PIBF1: variants seen among roughly 807,000 people sequenced by gnomAD.
PIBF1 encodes the protein progesterone immunomodulatory binding factor 1, also known as progesterone-induced-blocking factor 1.
In PIBF1, 90 loss-of-function variants were observed where a neutral mutation model predicts 112.5. That is an observed-to-expected ratio of 0.80 (90% CI 0.67 to 0.95). The LOEUF is 0.95. Among genes scored for constraint, PIBF1 ranks in the 40% least tolerant of loss-of-function variants. PIBF1 has a pLI of 0.00. For synonymous variants in PIBF1, 301 were observed against 288.6 expected (o/e 1.04, Z -0.44); for missense variants, 915 against 852.3 (o/e 1.07, Z -0.92).
intron 6 of PIBF1, 53 bp downstream of exon 6, chr13:72,822,035 A>C (rs2036581910): frequency 2.7e-6 from 4 of 1,486,662 alleles, no homozygotes; most frequent in Non-Finnish European, 1.8e-6. Flanking sequence ...GGGTGCATCA[A>C]AGTCACCTGA....
At chr13:72,993,966 A>T (rs1461896741) in intron 16 of PIBF1, among the ~76,000 whole-genome samples, 1 of 152,004 alleles carries the variant, frequency 6.6e-6, no homozygotes, top group Non-Finnish European at 1.5e-5. Context: ...TAAAAAGTTA[A>T]CTGGGGACAG....
At chr13:72,980,442 C>T (rs531186786) in intron 16 of PIBF1, among the ~76,000 whole-genome samples, 7 of 152,288 alleles carry the variant, frequency 4.6e-5, no homozygotes, top group African/African-American at 9.6e-5. Context: ...TACGCAGTGA[C>T]GTGCTCTCAA....
chr13:72,850,182 C>T (rs1226998528), intron 9 of PIBF1, among the ~76,000 whole-genome samples: 2 of 152,158 alleles, frequency 1.3e-5, no homozygotes, highest in African/African-American at 2.4e-5. Context: ...AGAAATGTTA[C>T]CCACAAACAC....
intron 5 of PIBF1, among the ~76,000 whole-genome samples, chr13:72,809,132 C>CTTTTTTTTTTTTTT (rs35219701): frequency 1.1e-4 from 8 of 74,834 alleles, no homozygotes; most frequent in African/African-American, 3.7e-4. Flanking sequence ...GTATATGTCC[C>CTTTTTTTTTTTTTT]TTTTTTTTTT....
chr13:72,820,832 G>A (rs574942449), intron 5 of PIBF1, among the ~76,000 whole-genome samples: 1 of 152,272 alleles, frequency 6.6e-6, no homozygotes, highest in South Asian at 2.1e-4. Flanking sequence ...TTCAAAGAAG[G>A]AAAATAAGTA....
At chr13:72,905,694 A>G (rs1401813032) in intron 11 of PIBF1, among the ~76,000 whole-genome samples, 1 of 152,088 alleles carries the variant, frequency 6.6e-6, no homozygotes, top group Admixed American at 6.6e-5. Flanking sequence ...TTAGCTGGTT[A>G]CAAACAAAAT....
intron 5 of PIBF1, among the ~76,000 whole-genome samples, chr13:72,800,710 A>G (rs765420835): frequency 6.6e-6 from 1 of 152,214 alleles, no homozygotes; most frequent in Non-Finnish European, 1.5e-5. Flanking sequence ...CCCTGCCATC[A>G]TGGAGTTTAT....
chr13:72,902,558 A>T (rs1335634326), intron 11 of PIBF1, among the ~76,000 whole-genome samples: 1 of 152,188 alleles, frequency 6.6e-6, no homozygotes, highest in Non-Finnish European at 1.5e-5. Flanking sequence ...AAAGAAAAAA[A>T]GCTGATCCAG....
chr13:72,803,169 T>C (rs2035562839), intron 5 of PIBF1, among the ~76,000 whole-genome samples: 1 of 152,042 alleles, frequency 6.6e-6, no homozygotes, highest in African/African-American at 2.4e-5. Flanking sequence ...TGAGTAATAC[T>C]ACTGTATAGA....
At chr13:72,992,643 T>TA (rs2043517651) in intron 16 of PIBF1, among the ~76,000 whole-genome samples, 1 of 151,524 alleles carries the variant, frequency 6.6e-6, no homozygotes, top group African/African-American at 2.4e-5. Flanking sequence ...AAATGAAAGA[T>TA]AAAAAAATAA....
chr13:72,908,264 C>G lies in PIBF1; in HGVS notation c.1489-267C>G, dbSNP rs571844238. On this transcript the variant is annotated intron_variant, in intron 11 of 17. Coordinates refer to ENST00000326291, the MANE Select transcript of PIBF1 (RefSeq NM_006346.4). ...CTAACAAGCAAATGCTAATATTACTCCTATAATTATTCCTAATTTTAAATT... is the reference window on the plus strand; with the variant it reads ...CTAACAAGCAAATGCTAATATTACTGCTATAATTATTCCTAATTTTAAATT... Among the ~76,000 whole-genome samples, 19 of 152,004 alleles carry G rather than the reference C, an allele frequency of 1.2e-4. No homozygotes were observed. In the East Asian group the frequency reaches 3.5e-3, roughly 28 times the overall value.
At position 72,998,904 on chromosome 13, in the gene PIBF1, C is replaced by G; in HGVS notation, c.2132C>G (p.Pro711Arg). ...AGCTTACTTCTCACTAAAACAGAAC[C>G]AAAACATGTGACAGAAAATCAGAAA... ...ENSLLLTKTE[P>R]KHVTENQKSK... Residue 711 changes from proline to arginine, a missense_variant, in exon 17 of 18, where the codon CCA (proline) becomes CGA (arginine). Pro to Arg is a moderately radical substitution (Grantham distance 103, BLOSUM62 -2). Transcript: ENST00000326291. 3.1e-6 allele frequency: 5 copies of G among 1,611,868 alleles called. No homozygotes were observed. Among genetic ancestry groups the G allele is most frequent in the Non-Finnish European group, 4.2e-6 (5 of 1,178,318 alleles).
chr13:72,881,333 T>A (rs2039624424), intron 10 of PIBF1: 1 of 152,170 alleles, frequency 6.6e-6, no homozygotes, highest in Non-Finnish European at 1.5e-5. Flanking sequence ...CAGTAGCACT[T>A]CTATATGCCA....
At chr13:72,868,070 CA>C (rs2038999143) in intron 10 of PIBF1, among the ~76,000 whole-genome samples, 1 of 152,034 alleles carries the variant, frequency 6.6e-6, no homozygotes, top group South Asian at 2.1e-4. Context: ...GAGGCTGAGG[CA>C]GGAGGATTAC....
chr13:72,832,221 A>G (rs1002225058), intron 8 of PIBF1, among the ~76,000 whole-genome samples: 8 of 151,010 alleles, frequency 5.3e-5, no homozygotes, highest in Admixed American at 3.3e-4. Flanking sequence ...TCTTCATCCG[A>G]TTTGCCAGTC....
At chr13:72,964,619 G>A (rs1487523566) in intron 14 of PIBF1, among the ~76,000 whole-genome samples, 4 of 152,122 alleles carry the variant, frequency 2.6e-5, no homozygotes, top group Non-Finnish European at 5.9e-5. Context: ...ATTTTTAGTA[G>A]AAGTAAAGCT....
intron 5 of PIBF1, among the ~76,000 whole-genome samples, chr13:72,812,529 C>T (rs1280539834): frequency 2.0e-5 from 3 of 151,902 alleles, no homozygotes; most frequent in African/African-American, 4.8e-5. Context: ...CTCAGGAGTT[C>T]GAGACCACCC....
At chr13:72,994,659 A>G (rs1487186448) in intron 16 of PIBF1, among the ~76,000 whole-genome samples, 1 of 152,188 alleles carries the variant, frequency 6.6e-6, no homozygotes, top group East Asian at 1.9e-4. Flanking sequence ...GAGATGCCAA[A>G]CTCAAATGCA....
chr13:72,805,844 C>G (rs1412008522), intron 5 of PIBF1, among the ~76,000 whole-genome samples: 3 of 152,232 alleles, frequency 2.0e-5, no homozygotes, highest in African/African-American at 7.2e-5. Context: ...TTTATGCTTA[C>G]TGAGCTTGTG....
Sources: gnomAD v4.1 joint callset for allele counts (sites outside exome capture counted in the v4.1 genomes callset) on GRCh38, gnomAD v4.1.1 for gene constraint, MANE v1.5 for transcripts, NCBI Gene and HGNC (gene_info 2026-07-23, HGNC 2026-07-21) for gene names.